Variants in PTPRD observed in about 807,000 individuals in gnomAD.
PTPRD encodes protein tyrosine phosphatase receptor type D.
Under a neutral mutation model 214.5 loss-of-function variants are expected in PTPRD, and 34 were observed. The observed-to-expected ratio is 0.16, with a 90% CI of 0.12 to 0.21. The LOEUF is 0.21. PTPRD is among the 10% of genes least tolerant of loss of function. PTPRD has a pLI of 1.00. For missense variants in PTPRD, 2,545 were observed against 2,398.7 expected (o/e 1.06, Z -1.27); for synonymous variants, 1,128 against 845.7 (o/e 1.33, Z -5.79).
At chr9:10,099,856 T>C (rs536922085) in intron 3 of PTPRD, among the ~76,000 whole-genome samples, 2 of 151,822 alleles carry the variant, frequency 1.3e-5, no homozygotes, top group East Asian at 2.0e-4. Context: ...AGACATTTTA[T>C]GAAAGATAGT....
chr9:8,379,773 G>A (rs998792892), intron 37 of PTPRD, among the ~76,000 whole-genome samples: 1 of 152,170 alleles, frequency 6.6e-6, no homozygotes, highest in African/African-American at 2.4e-5. Flanking sequence ...GAAGGCAGGA[G>A]CTACTGAATA....
chr9:10,452,476 C>A (rs1421386718), intron 2 of PTPRD, among the ~76,000 whole-genome samples: 1 of 151,698 alleles, frequency 6.6e-6, no homozygotes, highest in Non-Finnish European at 1.5e-5. Flanking sequence ...CACACTCTCA[C>A]CAAAACTTGT....
intron 2 of PTPRD, among the ~76,000 whole-genome samples, chr9:10,481,536 G>C (rs547770616): frequency 1.3e-5 from 2 of 152,098 alleles, no homozygotes; most frequent in Non-Finnish European, 2.9e-5. Context: ...ACAAGGATTT[G>C]CCTGATTTGT....
intron 14 of PTPRD, among the ~76,000 whole-genome samples, chr9:8,622,095 T>C (rs1385025878): frequency 7.3e-6 from 1 of 136,826 alleles, no homozygotes; most frequent in Non-Finnish European, 1.6e-5. Flanking sequence ...CATCTCCACC[T>C]AGAGCAAAAA....
At chr9:8,844,277 T>G (rs1009464921) in intron 11 of PTPRD, among the ~76,000 whole-genome samples, 1 of 152,228 alleles carries the variant, frequency 6.6e-6, no homozygotes, top group East Asian at 1.9e-4. Flanking sequence ...ACATTATTAC[T>G]GTAAAGCCCT....
chr9:10,601,067 G>A (rs1433083800), intron 2 of PTPRD, among the ~76,000 whole-genome samples: 2 of 151,630 alleles, frequency 1.3e-5, no homozygotes, highest in African/African-American at 2.4e-5. Flanking sequence ...TGCAATTTAG[G>A]TAATGAAGAT....
chr9:10,431,558 G>C (rs919665750), intron 2 of PTPRD, among the ~76,000 whole-genome samples: 8 of 151,358 alleles, frequency 5.3e-5, no homozygotes, highest in Admixed American at 1.3e-4. Context: ...CTAATATCCA[G>C]AATCTACAAT....
intron 33 of PTPRD, among the ~76,000 whole-genome samples, chr9:8,450,084 A>G (rs1042347424): frequency 6.6e-6 from 1 of 152,124 alleles, no homozygotes; most frequent in African/African-American, 2.4e-5. Flanking sequence ...TAAATAATTC[A>G]GCAACTCTGC....
At chr9:9,470,809 G>A (rs901677460) in intron 8 of PTPRD, among the ~76,000 whole-genome samples, 5 of 152,138 alleles carry the variant, frequency 3.3e-5, no homozygotes, top group African/African-American at 1.2e-4. Context: ...ATGTGAAGCT[G>A]CCATGCTGTC....
intron 11 of PTPRD, among the ~76,000 whole-genome samples, chr9:8,883,021 CT>C (rs1213481481): frequency 6.6e-6 from 1 of 151,786 alleles, no homozygotes; most frequent in East Asian, 1.9e-4. Flanking sequence ...CCCACACATA[CT>C]TTTTTCCCCC....
chr9:10,097,056 A>G lies in PTPRD; in HGVS notation c.-544-63266T>C, dbSNP rs1439313148. Among the ~76,000 whole-genome samples, 9 of 151,426 alleles carry G rather than the reference A, an allele frequency of 5.9e-5. No homozygotes were observed. The South Asian group carries it at 6.3e-4, about 11-fold the overall frequency. ...AAAGATCAGATAGTTGTAGATATGC[A>G]GCATTATTTCTGAGGGCTCTGTTCT... On this transcript the variant is annotated intron_variant, in intron 3 of 45. Coordinates refer to ENST00000381196, the MANE Select transcript of PTPRD (RefSeq NM_002839.4).
At chr9:9,823,013 A>T (rs2051328557) in intron 5 of PTPRD, among the ~76,000 whole-genome samples, 1 of 152,042 alleles carries the variant, frequency 6.6e-6, no homozygotes, top group South Asian at 2.1e-4. Context: ...AGGTTTCTAC[A>T]CTCTCCAATT....
intron 11 of PTPRD, among the ~76,000 whole-genome samples, chr9:8,996,795 C>G (rs1407501221): frequency 6.6e-6 from 1 of 151,966 alleles, no homozygotes; most frequent in African/African-American, 2.4e-5. Context: ...GGCCCTACCT[C>G]TTAATACTTT....
At chr9:10,612,032 G>T (rs1409073399) in intron 2 of PTPRD, among the ~76,000 whole-genome samples, 2 of 151,490 alleles carry the variant, frequency 1.3e-5, no homozygotes, top group Non-Finnish European at 2.9e-5. Context: ...GGAGAAGTGA[G>T]CCAGTAGGGT....
intron 11 of PTPRD, among the ~76,000 whole-genome samples, chr9:8,870,051 T>G (rs2098268770): frequency 6.6e-6 from 1 of 151,724 alleles, no homozygotes; most frequent in Non-Finnish European, 1.5e-5. Flanking sequence ...TGGGAACCAC[T>G]AGTTCTAGCT....
chr9:9,335,295 T>A (rs2136901797), intron 9 of PTPRD, among the ~76,000 whole-genome samples: 1 of 152,204 alleles, frequency 6.6e-6, no homozygotes, highest in Middle Eastern at 3.4e-3. Context: ...CATTCTTCCA[T>A]AATTAGACTC....
rs181578337 is a variant in PTPRD, at chr9:10,470,617, T to C, written c.-599-129600A>G. On this transcript the variant is annotated intron_variant, in intron 2 of 45. Transcript: ENST00000381196. ...GACTAGGGTTTTGTTGTGGATGCCC[T>C]CCTCTGCATTGTAGGTTATTTAACA... Among the ~76,000 whole-genome samples, 610 of 152,216 alleles carry C rather than the reference T, an allele frequency of 4.0e-3. 6 individuals are homozygous for C. The highest frequency in any genetic ancestry group is 0.014 in the African/African-American group (580 of 41,534).
intron 5 of PTPRD, among the ~76,000 whole-genome samples, chr9:9,801,613 G>C (rs2099040697): frequency 1.3e-5 from 2 of 152,056 alleles, no homozygotes; most frequent in Non-Finnish European, 1.5e-5. Context: ...AAGAAAAGTA[G>C]TTTTACCTGC....
At chr9:8,789,164 G>C (rs1327696227) in intron 11 of PTPRD, among the ~76,000 whole-genome samples, 1 of 152,060 alleles carries the variant, frequency 6.6e-6, no homozygotes, top group East Asian at 1.9e-4. Context: ...TAGAGTATGA[G>C]TAAAGGCACC....
Sources: allele counts gnomAD v4.1 joint callset (sites outside exome capture counted in the v4.1 genomes callset), GRCh38; gene constraint gnomAD v4.1.1; transcripts MANE v1.5; gene names NCBI Gene and HGNC (gene_info 2026-07-23, HGNC 2026-07-21).